The following STK11 variants were observed in gnomAD, a reference collection of about 807,000 sequenced individuals.
STK11 encodes the protein serine/threonine kinase 11, also known as serine/threonine-protein kinase STK11.
A neutral mutation model predicts 47.3 loss-of-function variants in STK11; 8 were observed. That is an observed-to-expected ratio of 0.17 (90% CI 0.10 to 0.31). The LOEUF is 0.31. Ranked by LOEUF, STK11 falls within the 10% of genes least tolerant of loss-of-function variation. The pLI is 1.00. For missense variants in STK11, 475 were observed against 605.0 expected (o/e 0.79, Z 2.25); for synonymous variants, 330 against 255.8 (o/e 1.29, Z -2.77).
At chr19:1,219,259 GC>G in intron 2 of STK11, 64 bp from the exon 3 acceptor site, 1 of 1,534,728 alleles carries the variant, frequency 6.5e-7, no homozygotes, top group Non-Finnish European at 8.8e-7. Context: ...CCCTTTTCTG[GC>G]CCCCGTGCTC....
At chr19:1,216,099 A>G (rs891056738) in intron 1 of STK11, among the ~76,000 whole-genome samples, 1 of 152,078 alleles carries the variant, frequency 6.6e-6, no homozygotes, top group Non-Finnish European at 1.5e-5. Context: ...AAAAAAAACT[A>G]TGGAGATGGA....
rs1272426209 is a variant in STK11 at position 1,223,074 on chromosome 19, T to C, written c.1010T>C (p.Val337Ala). The part of the protein sequence containing the change: ...DTKDRWRSMT[V>A]VPYLEDLHGA... ...AAGGACCGGTGGCGCAGCATGACTG[T>C]GGTGCCGTACTTGGAGGACCTGCAC... Residue 337 changes from valine to alanine, a missense_variant, in exon 8 of 10, where the codon GTG becomes GCG. Transcript: ENST00000326873. 1.2e-6 allele frequency: 2 copies of C among 1,608,008 alleles called. No individual in the cohort carries two copies.
intron 8 of STK11, chr19:1,223,778 G>A: frequency 2.9e-6 from 3 of 1,037,892 alleles, no homozygotes; most frequent in Non-Finnish European, 3.5e-6. Flanking sequence ...TTAGCGTAGG[G>A]GCGGCCCACA....
In STK11 at chr19:1,227,884, G is replaced by T; in HGVS notation, c.*308G>T. 1 of 1,069,298 alleles carries T rather than the reference G, an allele frequency of 9.4e-7. No homozygotes were observed. Among genetic ancestry groups the T allele is most frequent in the Non-Finnish European group, 1.1e-6 (1 of 881,748 alleles). 66.2% of individuals were successfully genotyped at this position (1,069,298 alleles called of 1,614,324 possible). ...CCATGCACTTTATGTGGAGACTACT[G>T]GCCCCGCCCGTGGCCTCGTGCTCCG... On this transcript the variant is annotated 3_prime_UTR_variant, in exon 10 of 10. Transcript: ENST00000326873.
At chr19:1,223,595 G>GGCCTGCCCGCTGGCCCTGAT in intron 8 of STK11, 1 of 1,078,236 alleles carries the variant, frequency 9.3e-7, no homozygotes, top group Non-Finnish European at 1.1e-6. Flanking sequence ...TCGTCCCTGA[G>GGCCTGCCCGCTGGCCCTGAT]GCCTGCCCGC....
chr19:1,227,613 C>G lies in STK11; in HGVS notation c.*37C>G. 1 of 1,066,072 alleles carries G rather than the reference C, an allele frequency of 9.4e-7. No individual in the cohort carries two copies. The highest frequency in any genetic ancestry group is 1.1e-6 in the Non-Finnish European group (1 of 879,776). 66.0% of individuals were successfully genotyped at this position (1,066,072 alleles called of 1,614,324 possible). On this transcript the variant is annotated 3_prime_UTR_variant, in exon 10 of 10. Transcript: ENST00000326873. ...TGCAGCCCGTGTCCAGGAGCCCCGC[C>G]AGGTGCCCGCGCCAGGCCCTCAGTC...
intron 9 of STK11, chr19:1,227,278 G>C: frequency 5.7e-6 from 1 of 175,186 alleles, no homozygotes; most frequent in East Asian, 1.0e-4. Context: ...ATGGGGGCCC[G>C]AGGCTGAAGC....
intron 1 of STK11, among the ~76,000 whole-genome samples, chr19:1,214,115 T>C (rs2080729679): frequency 1.3e-5 from 2 of 152,224 alleles, no homozygotes; most frequent in South Asian, 4.1e-4. Context: ...TTCCCCCTCC[T>C]GGAGGCTCTT....
Position 1,227,704 on chromosome 19 carries a change from A to G in STK11, c.*128A>G. The G allele has an allele frequency of 1.9e-6, 2 of 1,070,114 alleles. No homozygotes were observed. The highest frequency in any genetic ancestry group is 2.3e-6 in the Non-Finnish European group (2 of 882,244). The allele number at this position is 1,070,114 out of a possible 1,614,324, so 66.3% of individuals were successfully genotyped here. ...CATGCTTCTGTGCCGACCACGCCCC[A>G]GGACCTCCGGAGCGCCCTGCAGGGC... On this transcript the variant is annotated 3_prime_UTR_variant, in exon 10 of 10. Transcript: ENST00000326873.
At chr19:1,222,639 GC>G (rs34365041) in intron 7 of STK11, among the ~76,000 whole-genome samples, 2 of 152,094 alleles carry the variant, frequency 1.3e-5, no homozygotes, top group Non-Finnish European at 2.9e-5. Flanking sequence ...GACTGGGGCT[GC>G]CCCCCGATAG....
At position 1,226,443 on chromosome 19, in the gene STK11, C is replaced by T. The variant is rs2080821363; in HGVS notation, c.1109-11C>T. On this transcript the variant is annotated splice_polypyrimidine_tract_variant and intron_variant, in intron 8 of 9. Coordinates refer to ENST00000326873, the MANE Select transcript of STK11 (RefSeq NM_000455.5). ...CCTCAGCTCAGGCCACACTTGCCGT[C>T]TCCCTCCCAGGACAGGTCCCAGAAG... 6.2e-7 allele frequency: 1 copy of T among 1,608,822 alleles called. No individual in the cohort carries two copies. Among genetic ancestry groups the T allele is most frequent in the Admixed American group, 1.7e-5 (1 of 59,688 alleles).
Position 1,227,580 on chromosome 19 carries a change from T to A in STK11, c.*17-13T>A, listed in dbSNP as rs971149433. 2.2e-5 allele frequency: 23 copies of A among 1,063,864 alleles called. No individual in the cohort carries two copies. The highest frequency in any genetic ancestry group is 2.5e-5 in the Non-Finnish European group (22 of 878,520). 65.9% of individuals were successfully genotyped at this position (1,063,864 alleles called of 1,614,324 possible). ...CCCAGGCTGACCTCTTCCGTCTTCC[T>A]TCCACCCTGCAGCCCGTGTCCAGGA... On this transcript the variant is annotated splice_polypyrimidine_tract_variant and intron_variant, in intron 9 of 9. Transcript: ENST00000326873.
chr19:1,208,377 GGCTCACTGCAA>G (rs1446722704), intron 1 of STK11, among the ~76,000 whole-genome samples: 2 of 150,734 alleles, frequency 1.3e-5, no homozygotes, highest in African/African-American at 4.9e-5. Context: ...GCGCGAACTG[GGCTCACTGCAA>G]GCTCCGCCTC....
intron 7 of STK11, 75 bp from the exon 8 acceptor site, chr19:1,222,910 C>T (rs984446505): frequency 6.2e-6 from 9 of 1,463,296 alleles, no homozygotes; most frequent in Admixed American, 2.2e-5. Context: ...ACCCTGGGCC[C>T]AGAGGAGCTG....
In STK11 at chr19:1,220,603, A is replaced by G. The variant is rs1555738370; in HGVS notation, c.620A>G (p.Asp207Gly). ...CAGGCACTGCACCCGTTCGCGGCGG[A>G]CGACACCTGCCGGACCAGCCAGGGC... ...VAEALHPFAA[D>G]DTCRTSQGSP... is the part of the protein sequence containing the mutation. Residue 207 changes from aspartate (D) to glycine (G), a missense_variant, in exon 5 of 10, where the codon GAC becomes GGC. Physicochemically the swap from Asp to Gly is moderately conservative, Grantham distance 94. Around this residue, in one of 5 missense-constraint regions of STK11, gnomAD observed 130 missense variants for 239.7 expected, o/e 0.54. Coordinates refer to ENST00000326873, the MANE Select transcript of STK11 (RefSeq NM_000455.5). The G allele has an allele frequency of 3.1e-6, 5 of 1,594,612 alleles. No individual in the cohort carries two copies. The highest frequency in any genetic ancestry group is 4.3e-6 in the Non-Finnish European group (5 of 1,171,078).
At chr19:1,221,769 C>G in intron 6 of STK11, 180 bp from the exon 7 acceptor site, 1 of 687,500 alleles carries the variant, frequency 1.5e-6, no homozygotes, top group Non-Finnish European at 2.5e-6. Flanking sequence ...CACAGGCTGT[C>G]CCCGGCATGT....
rs1037228545 is a variant in STK11, at chr19:1,206,293, C to G, written c.-621C>G. The G allele has an allele frequency of 1.8e-4, 41 of 222,108 alleles. No homozygotes were observed. Among genetic ancestry groups the G allele is most frequent in the African/African-American group, 9.0e-4 (40 of 44,474 alleles). 13.8% of individuals were successfully genotyped at this position (222,108 alleles called of 1,614,324 possible). ...CCGGACGCCCCCAGCCCCCCGAACG[C>G]TCGCCCGGGCCGGCGGGAGTCGGCG... On this transcript the variant is annotated 5_prime_UTR_variant, in exon 1 of 10. Transcript: ENST00000326873.
In STK11 at chr19:1,223,948, A is replaced by G. The variant is rs1890183615; in HGVS notation, c.1108+776A>G. ...TTTCTGCTTTACTGTTTCAGCGGGA[A>G]GTGGTGGGCAGGGGCCGGCCTGAGA... is the stretch of plus-strand genomic sequence containing the variant. On this transcript the variant is annotated intron_variant, in intron 8 of 9. Coordinates refer to ENST00000326873, the MANE Select transcript of STK11 (RefSeq NM_000455.5). 5 of 1,010,712 alleles carry G rather than the reference A, an allele frequency of 4.9e-6. No homozygotes were observed. In the African/African-American group the frequency reaches 6.9e-5, roughly 14 times the overall value. The allele number at this position is 1,010,712 out of a possible 1,614,324, so 62.6% of individuals were successfully genotyped here.
chr19:1,227,464 C>A (rs1046924892), intron 9 of STK11, 129 bp from the exon 10 acceptor site: 12 of 1,005,248 alleles, frequency 1.2e-5, no homozygotes, highest in Admixed American at 1.1e-4. Flanking sequence ...TCCCTGGCCT[C>A]CCCTGCTGCC....
Sources: gnomAD v4.1 joint callset for allele counts (sites outside exome capture counted in the v4.1 genomes callset) on GRCh38, gnomAD v4.1.1 for gene constraint, gnomAD v4.1.1 regional missense constraint, MANE v1.5 for transcripts, NCBI Gene and HGNC (gene_info 2026-07-23, HGNC 2026-07-21) for gene names.